Variants in TUBA8 observed in about 807,000 individuals in gnomAD.
The protein encoded by TUBA8 is tubulin alpha 8, also known as tubulin alpha-8 chain.
In TUBA8, 29 loss-of-function variants were observed where a neutral mutation model predicts 34.7. The observed-to-expected ratio is 0.84, with a 90% confidence interval of 0.62 to 1.14. The LOEUF is 1.14. TUBA8 is among the 50% of genes most tolerant of loss of function. TUBA8 has a pLI of 0.00. For synonymous variants in TUBA8, 226 were observed against 231.2 expected (o/e 0.98, Z 0.21); for missense variants, 541 against 599.2 (o/e 0.90, Z 1.01).
In TUBA8 at chr22:18,126,990, A is replaced by G. The variant is rs1177927455; in HGVS notation, c.1012A>G (p.Lys338Glu). Residue 338 changes from lysine to glutamate, a missense_variant, in exon 4 of 5, where the codon AAG becomes GAG. Physicochemically the swap from Lys to Glu is moderately conservative, Grantham distance 56. Transcript: ENST00000330423. The surrounding 1 kb of genome is among the most constrained non-coding windows in gnomAD (Gnocchi z 4.0). ...TGTCGCTATTGCTGCCATCAAGACC[A>G]AGAGGACCATCCAGTTTGTAGACTG... ...VNVAIAAIKT[K>E]RTIQFVDWCP... is the part of the protein sequence containing the mutation. 3.1e-6 allele frequency: 5 copies of G among 1,613,964 alleles called. No homozygotes were observed. The African/African-American group carries it at 6.7e-5, about 22-fold the overall frequency.
Position 18,121,983 on chromosome 22 carries a change from T to A in TUBA8, c.226+282T>A. 7.1e-6 allele frequency: 3 copies of A among 422,892 alleles called. No individual in the cohort carries two copies. Among genetic ancestry groups the A allele is most frequent in the Non-Finnish European group, 1.3e-5 (3 of 231,802 alleles). The allele number at this position is 422,892 out of a possible 1,614,324, so 26.2% of individuals were successfully genotyped here. A position where few individuals can be genotyped will look rare whatever the true frequency, so the allele number is the denominator to read the frequency against. On this transcript the variant is annotated intron_variant, in intron 2 of 4. Coordinates refer to ENST00000330423, the MANE Select transcript of TUBA8 (RefSeq NM_018943.3). This position sits in a 1 kb window ranked among gnomAD's most constrained non-coding sequence, Gnocchi z 4.8. ...TCACATCGCTACTAAATACTAAGGA[T>A]AAGAAAATCCAAATAATTTTAGAAA...
At chr22:18,130,284 C>G (rs114689553) in intron 4 of TUBA8, 1 of 157,424 alleles carries the variant, frequency 6.4e-6, no homozygotes, top group Non-Finnish European at 1.4e-5. Context: ...CCCTGTTACA[C>G]ATACACATGT....
intron 4 of TUBA8, chr22:18,130,039 T>G (rs1297212136): frequency 2.0e-5 from 3 of 152,246 alleles, no homozygotes; most frequent in Non-Finnish European, 4.4e-5. Flanking sequence ...CCTGCTTTTC[T>G]TCTAAGAAGC....
Position 18,124,426 on chromosome 22 carries a change from G to A in TUBA8, c.375+122G>A, listed in dbSNP as rs1232496333. 1.4e-5 allele frequency: 17 copies of A among 1,235,532 alleles called. No individual in the cohort carries two copies. In the African/African-American group the frequency reaches 2.1e-4, roughly 15 times the overall value. 76.5% of individuals were successfully genotyped at this position (1,235,532 alleles called of 1,614,324 possible). A position where few individuals can be genotyped will look rare whatever the true frequency, so the allele number is the denominator to read the frequency against. ...CTGGCTATAGGATGGAGCTCCTAAG[G>A]TTTGGGAATTTCTGCTTAAATTCTG... On this transcript the variant is annotated intron_variant, in intron 3 of 4. Coordinates refer to ENST00000330423, the MANE Select transcript of TUBA8 (RefSeq NM_018943.3). The surrounding 1 kb of genome is among the most constrained non-coding windows in gnomAD (Gnocchi z 4.3).
intron 1 of TUBA8, chr22:18,115,653 C>CT (rs1316462936): frequency 6.6e-6 from 1 of 152,346 alleles, no homozygotes. Context: ...GGGCCCTATG[C>CT]TGGCTTGGGG....
rs1342432380 is a variant in TUBA8, at chr22:18,129,268, G to A, written c.1057-1575G>A. ...AGAATGAATGAGAGACATGGTGGGTGATGGGGAAATTAACAAAGCGGAAAT... is the reference window on the plus strand; with the variant it reads ...AGAATGAATGAGAGACATGGTGGGTAATGGGGAAATTAACAAAGCGGAAAT... On this transcript the variant is annotated intron_variant, in intron 4 of 4. Transcript: ENST00000330423. 2.0e-5 allele frequency: 3 copies of A among 152,218 alleles called. No individual in the cohort carries two copies. The South Asian group carries it at 6.2e-4, about 32-fold the overall frequency. 9.4% of individuals were successfully genotyped at this position (152,218 alleles called of 1,614,324 possible). A position where few individuals can be genotyped will look rare whatever the true frequency, so the allele number is the denominator to read the frequency against.
chr22:18,130,417 CT>C (rs60484737), intron 4 of TUBA8: 14,438 of 188,614 alleles, frequency 0.077, 1,121 homozygotes, highest in African/African-American at 0.22. Context: ...TCCCCATCTA[CT>C]TTTTTTTTTG....
chr22:18,124,022 A>T lies in TUBA8; in HGVS notation c.227-134A>T. On this transcript the variant is annotated intron_variant, in intron 2 of 4. Transcript: ENST00000330423. The surrounding 1 kb of genome is among the most constrained non-coding windows in gnomAD (Gnocchi z 4.3). The stretch of plus-strand genomic sequence containing the variant: ...TCTCTTAGCCTTTTGCAGATTCATT[A>T]CGAGGTGGTCTGGCTTCAAACCTCC... 9.5e-7 allele frequency: 1 copy of T among 1,056,334 alleles called. No individual in the cohort carries two copies. Among genetic ancestry groups the T allele is most frequent in the Non-Finnish European group, 1.4e-6 (1 of 701,584 alleles). The allele number at this position is 1,056,334 out of a possible 1,614,324, so 65.4% of individuals were successfully genotyped here.
chr22:18,124,231 A>T lies in TUBA8; in HGVS notation c.302A>T (p.Asn101Ile). 1 of 1,614,192 alleles carries T rather than the reference A, an allele frequency of 6.2e-7. No individual in the cohort carries two copies. Among genetic ancestry groups the T allele is most frequent in the Non-Finnish European group, 8.5e-7 (1 of 1,180,034 alleles). The change falls in exon 3 of 5, where the codon AAC becomes ATC. Residue 101 changes from asparagine to isoleucine, a missense_variant. Asn to Ile is a moderately radical substitution (Grantham distance 149, BLOSUM62 -3). Coordinates refer to ENST00000330423, the MANE Select transcript of TUBA8 (RefSeq NM_018943.3). The surrounding 1 kb of genome is among the most constrained non-coding windows in gnomAD (Gnocchi z 4.3). Reference protein sequence around the residue: ...QLITGKEDAANNYARGHYTVG... With the variant: ...QLITGKEDAAINYARGHYTVG... ...ATCACAGGAAAGGAGGATGCAGCCA[A>T]CAACTATGCCCGGGGCCACTACACG...
At chr22:18,129,896 G>C (rs1928440278) in intron 4 of TUBA8, 1 of 152,352 alleles carries the variant, frequency 6.6e-6, no homozygotes, top group Admixed American at 6.5e-5. Context: ...CTTTGGTTTG[G>C]GACGTGTGTT....
In TUBA8 at chr22:18,124,066, G is replaced by A; in HGVS notation, c.227-90G>A. 6.6e-7 allele frequency: 1 copy of A among 1,519,494 alleles called. No individual in the cohort carries two copies. Among genetic ancestry groups the A allele is most frequent in the Non-Finnish European group, 9.1e-7 (1 of 1,099,806 alleles). 94.1% of individuals were successfully genotyped at this position (1,519,494 alleles called of 1,614,324 possible). ...AACCTCCATGGAGTTTTATAGGTAG[G>A]GGAGAACGGAAGGGGTCCTGCGGTA... On this transcript the variant is annotated intron_variant, in intron 2 of 4. Coordinates refer to ENST00000330423, the MANE Select transcript of TUBA8 (RefSeq NM_018943.3). The surrounding 1 kb of genome is among the most constrained non-coding windows in gnomAD (Gnocchi z 4.3).
rs1174289721 is a variant in TUBA8, at chr22:18,110,951, C to CTCAAGAG, written c.3+83_3+84insTCAAGAG. On this transcript the variant is annotated intron_variant, in intron 1 of 4. Transcript: ENST00000330423. The surrounding 1 kb of genome is among the most constrained non-coding windows in gnomAD (Gnocchi z 6.2). ...CCGAGTCTACGCGGAGGCGCACGGA[C>CTCAAGAG]CCGTCTTCCTGGAGCCGCAGGGCTC... 1.3e-6 allele frequency: 2 copies of CTCAAGAG among 1,530,640 alleles called. No individual in the cohort carries two copies. The highest frequency in any genetic ancestry group is 1.4e-5 in the African/African-American group (1 of 72,922). 94.8% of individuals were successfully genotyped at this position (1,530,640 alleles called of 1,614,324 possible).
At chr22:18,123,821 C>T (rs574498637) in intron 2 of TUBA8, 53 of 339,090 alleles carry the variant, frequency 1.6e-4, no homozygotes, top group African/African-American at 6.2e-4. Context: ...GCAATCTGCC[C>T]GCCTCGGCCT....
chr22:18,127,693 T>TTA (rs2123707267), intron 4 of TUBA8: 1 of 69,596 alleles, frequency 1.4e-5, no homozygotes, highest in African/African-American at 1.3e-4. Flanking sequence ...GTGCCCGGAC[T>TTA]TTTTTTTTTT....
Position 18,126,901 on chromosome 22 carries a change from G to C in TUBA8, c.923G>C (p.Arg308Thr), listed in dbSNP as rs1928347233. ...AGCCAGATGGTGAAGTGCGACCCGA[G>C]ACATGGCAAGTACATGGCCTGCTGC... Reference protein sequence around the residue: ...PNSQMVKCDPRHGKYMACCML... With the variant: ...PNSQMVKCDPTHGKYMACCML... Residue 308 changes from arginine (R) to threonine (T), a missense_variant, in exon 4 of 5, where the codon AGA (arginine) becomes ACA (threonine). Arg to Thr is a moderately conservative substitution (Grantham distance 71, BLOSUM62 -1). Coordinates refer to ENST00000330423, the MANE Select transcript of TUBA8 (RefSeq NM_018943.3). The surrounding 1 kb of genome is among the most constrained non-coding windows in gnomAD (Gnocchi z 4.0). 6.2e-7 allele frequency: 1 copy of C among 1,611,994 alleles called. No individual in the cohort carries two copies. Among genetic ancestry groups the C allele is most frequent in the African/African-American group, 1.3e-5 (1 of 74,868 alleles).
rs1413790080 is a variant in TUBA8, at chr22:18,124,916, A to G, written c.375+612A>G. The G allele has an allele frequency of 1.3e-5, 2 of 152,722 alleles. No homozygotes were observed. Among genetic ancestry groups the G allele is most frequent in the East Asian group, 3.8e-4 (2 of 5,198 alleles). The allele number at this position is 152,722 out of a possible 1,614,324, so 9.5% of individuals were successfully genotyped here. ...TAAGCTTCCATTTGCTTATCTGTAT[A>G]ATGGAAAAGCTTGGACCTGATCACA... is the stretch of plus-strand genomic sequence containing the variant. On this transcript the variant is annotated intron_variant, in intron 3 of 4. Transcript: ENST00000330423. This position sits in a 1 kb window ranked among gnomAD's most constrained non-coding sequence, Gnocchi z 4.3.
chr22:18,121,229 T>C lies in TUBA8; in HGVS notation c.4-250T>C, dbSNP rs539872572. The C allele has an allele frequency of 5.9e-6, 3 of 507,210 alleles. No homozygotes were observed. Among genetic ancestry groups the C allele is most frequent in the Non-Finnish European group, 1.1e-5 (3 of 278,716 alleles). 31.4% of individuals were successfully genotyped at this position (507,210 alleles called of 1,614,324 possible). A position where few individuals can be genotyped will look rare whatever the true frequency, so the allele number is the denominator to read the frequency against. ...CTTCATCTTTGCAACCACCCTCCTT[T>C]TTTCTTTCCTGGTATAAAAGGTCAA... On this transcript the variant is annotated intron_variant, in intron 1 of 4. Transcript: ENST00000330423. This position sits in a 1 kb window ranked among gnomAD's most constrained non-coding sequence, Gnocchi z 4.8.
In TUBA8 at chr22:18,124,020, T is replaced by A; in HGVS notation, c.227-136T>A. 9.5e-7 allele frequency: 1 copy of A among 1,049,738 alleles called. No individual in the cohort carries two copies. The allele number at this position is 1,049,738 out of a possible 1,614,324, so 65.0% of individuals were successfully genotyped here. ...ATTCTCTTAGCCTTTTGCAGATTCA[T>A]TACGAGGTGGTCTGGCTTCAAACCT... is the stretch of plus-strand genomic sequence containing the variant. On this transcript the variant is annotated intron_variant, in intron 2 of 4. Transcript: ENST00000330423. This position sits in a 1 kb window ranked among gnomAD's most constrained non-coding sequence, Gnocchi z 4.3.
Position 18,127,007 on chromosome 22 carries a change from T to C in TUBA8, c.1029T>C (p.Phe343=), listed in dbSNP as rs376714740. The C allele has an allele frequency of 1.2e-6, 2 of 1,613,996 alleles. No individual in the cohort carries two copies. The highest frequency in any genetic ancestry group is 1.7e-6 in the Non-Finnish European group (2 of 1,180,038). ...AAIKTKRTIQ[F]VDWCPTGFKV... ...TCAAGACCAAGAGGACCATCCAGTT[T>C]GTAGACTGGTGTCCCACAGGCTTCA... Residue 343 remains phenylalanine, a synonymous_variant, in exon 4 of 5, where the codon TTT becomes TTC. Coordinates refer to ENST00000330423, the MANE Select transcript of TUBA8 (RefSeq NM_018943.3).
Sources: gnomAD v4.1 joint callset for allele counts on GRCh38, gnomAD v4.1.1 for gene constraint, Gnocchi (gnomAD v3.1) non-coding constraint, MANE v1.5 for transcripts, NCBI Gene and HGNC (gene_info 2026-07-23, HGNC 2026-07-21) for gene names.